SELENOI: variants seen among roughly 807,000 people sequenced by gnomAD.
The protein encoded by SELENOI is selenoprotein I, also known as ethanolaminephosphotransferase 1.
A neutral mutation model predicts 50.7 loss-of-function variants in SELENOI; 24 were observed. That is an observed-to-expected ratio of 0.47 (90% CI 0.34 to 0.67). SELENOI has a LOEUF of 0.67. SELENOI is among the 30% of genes least tolerant of loss of function. The pLI, the probability that SELENOI is intolerant of heterozygous loss-of-function variation, is 0.01. For missense variants in SELENOI, 352 were observed against 461.4 expected (o/e 0.76, Z 2.17); for synonymous variants, 155 against 170.2 (o/e 0.91, Z 0.70).
At chr2:26,371,726 C>T (rs570058698) in intron 4 of SELENOI, among the ~76,000 whole-genome samples, 80 of 152,324 alleles carry the variant, frequency 5.3e-4, no homozygotes, top group African/African-American at 1.8e-3. Context: ...TCAGGCGTGG[C>T]GGCGTGCGCC....
chr2:26,371,144 T>C (rs1328672241), intron 4 of SELENOI, among the ~76,000 whole-genome samples: 1 of 127,142 alleles, frequency 7.9e-6, no homozygotes, highest in African/African-American at 3.1e-5. Flanking sequence ...GCGGCTGGGC[T>C]GGCGGGGGGC....
At chr2:26,357,563 G>A (rs1446378028) in intron 1 of SELENOI, among the ~76,000 whole-genome samples, 4 of 152,218 alleles carry the variant, frequency 2.6e-5, no homozygotes, top group African/African-American at 4.8e-5. Context: ...AAAAGCTCTA[G>A]GCGAGAATCC....
intron 6 of SELENOI, 127 bp downstream of exon 6, chr2:26,375,275 A>G (rs1677543311): frequency 3.6e-6 from 2 of 561,446 alleles, no homozygotes; most frequent in Non-Finnish European, 6.3e-6. Context: ...CAACCCTACA[A>G]CCTTGTAGGA....
chr2:26,380,711 C>T (rs1372083465), intron 6 of SELENOI, among the ~76,000 whole-genome samples: 1 of 152,188 alleles, frequency 6.6e-6, no homozygotes, highest in Non-Finnish European at 1.5e-5. Flanking sequence ...TATTCCCCTA[C>T]ATATGGGTTG....
chr2:26,347,848 T>G (rs963381972), intron 1 of SELENOI, among the ~76,000 whole-genome samples: 1 of 152,220 alleles, frequency 6.6e-6, no homozygotes, highest in Non-Finnish European at 1.5e-5. Flanking sequence ...GTGTCTTAAT[T>G]TACTAGAAGT....
At chr2:26,368,081 T>C (rs1293898106) in intron 4 of SELENOI, among the ~76,000 whole-genome samples, 4 of 152,314 alleles carry the variant, frequency 2.6e-5, no homozygotes, top group Middle Eastern at 3.4e-3. Context: ...AGACCCTGAC[T>C]TCAAGTTGCT....
intron 6 of SELENOI, among the ~76,000 whole-genome samples, chr2:26,382,200 G>A (rs1572336575): frequency 1.3e-5 from 2 of 152,238 alleles, no homozygotes; most frequent in Non-Finnish European, 1.5e-5. Context: ...GTCATCTGTT[G>A]TAAGCTTGTA....
rs1037336526 is a variant in SELENOI, at chr2:26,389,330, A to T, written c.*227A>T. 9.6e-5 allele frequency: 41 copies of T among 426,024 alleles called. No individual in the cohort carries two copies. The highest frequency in any genetic ancestry group is 7.1e-4 in the African/African-American group (36 of 50,854). The allele number at this position is 426,024 out of a possible 1,614,324, so 26.4% of individuals were successfully genotyped here. On this transcript the variant is annotated 3_prime_UTR_variant, in exon 10 of 10. Coordinates refer to ENST00000260585, the MANE Select transcript of SELENOI (RefSeq NM_033505.4). ...GTGACATTTTGGTTGAGCAGAATGT[A>T]CGTTAGACCAGCAAAATGTTCCTAA...
Position 26,346,182 on chromosome 2 carries a change from G to A in SELENOI, c.-51G>A, listed in dbSNP as rs756834378. The A allele has an allele frequency of 6.2e-7, 1 of 1,612,764 alleles. No homozygotes were observed. The highest frequency in any genetic ancestry group is 1.1e-5 in the South Asian group (1 of 90,808). On this transcript the variant is annotated 5_prime_UTR_variant, in exon 1 of 10. Coordinates refer to ENST00000260585, the MANE Select transcript of SELENOI (RefSeq NM_033505.4). ...GCCGGTGTGGTGCTTGTGTGTCACA[G>A]CCTTGTAGCCGGGAGTCGCTGCCGA...
chr2:26,376,980 T>C (rs1270193186), intron 6 of SELENOI, among the ~76,000 whole-genome samples: 2 of 152,214 alleles, frequency 1.3e-5, no homozygotes, highest in Admixed American at 6.5e-5. Context: ...GTGATGTACC[T>C]AGGTGTGGTT....
At chr2:26,371,982 T>G (rs949426937) in intron 4 of SELENOI, among the ~76,000 whole-genome samples, 1 of 152,258 alleles carries the variant, frequency 6.6e-6, no homozygotes, top group Non-Finnish European at 1.5e-5. Context: ...TCATTCTTTA[T>G]GTCCTCTACT....
chr2:26,346,413 C>T, intron 1 of SELENOI, 124 bp downstream of exon 1: 2 of 1,213,364 alleles, frequency 1.6e-6, no homozygotes, highest in Non-Finnish European at 2.2e-6. Context: ...GCGGGCGTTC[C>T]TCCGGAGGTC....
chr2:26,373,969 C>T (rs1370098723), intron 5 of SELENOI, among the ~76,000 whole-genome samples: 1 of 152,078 alleles, frequency 6.6e-6, no homozygotes, highest in Non-Finnish European at 1.5e-5. Flanking sequence ...CTGGGCTGGT[C>T]TCTAACTCCT....
At chr2:26,346,336 C>G in intron 1 of SELENOI, 47 bp downstream of exon 1, 3 of 1,578,372 alleles carry the variant, frequency 1.9e-6, no homozygotes, top group Non-Finnish European at 2.6e-6. Flanking sequence ...CGGCCTCGCC[C>G]AGGCGGCTGA....
chr2:26,346,297 G>C lies in SELENOI; in HGVS notation c.57+8G>C, dbSNP rs1395103999. 4 of 1,607,126 alleles carry C rather than the reference G, an allele frequency of 2.5e-6. No homozygotes were observed. The highest frequency in any genetic ancestry group is 1.7e-4 in the Middle Eastern group (1 of 6,018). On this transcript the variant is annotated splice_region_variant and intron_variant, in intron 1 of 9. Transcript: ENST00000260585. ...GGCTTTGATAAGTACAAGGTACCGC[G>C]GGCCGGCGGATGCCCCTCTCCCTGC...
At chr2:26,352,920 A>C (rs1676991795) in intron 1 of SELENOI, among the ~76,000 whole-genome samples, 1 of 151,282 alleles carries the variant, frequency 6.6e-6, no homozygotes, top group South Asian at 2.1e-4. Context: ...CTGATGCTGA[A>C]TAGTGCTTGC....
At chr2:26,378,877 T>TAAAGACAGA (rs1558420291) in intron 6 of SELENOI, among the ~76,000 whole-genome samples, 2 of 152,264 alleles carry the variant, frequency 1.3e-5, no homozygotes, top group African/African-American at 4.8e-5. Flanking sequence ...TATTTCACTG[T>TAAAGACAGA]GTATCTCTAA....
In SELENOI at chr2:26,348,996, C is replaced by CTT. The variant is rs869073468; in HGVS notation, c.57+2741_57+2742dup. Among the ~76,000 whole-genome samples the CTT allele has an allele frequency of 2.1e-3, 122 of 57,692 alleles. 14 individuals are homozygous for CTT. Among genetic ancestry groups the CTT allele is most frequent in the East Asian group, 5.2e-3 (6 of 1,162 alleles). The allele number at this position is 57,692 out of a possible 152,430, so 37.8% of individuals were successfully genotyped here. A position where few individuals can be genotyped will look rare whatever the true frequency, so the allele number is the denominator to read the frequency against. ...CTACCCATCCTTTGTTTTGGACAGG[C>CTT]TTTTTTTTTTTTTTTTTTTTTTTTT... On this transcript the variant is annotated intron_variant, in intron 1 of 9. Coordinates refer to ENST00000260585, the MANE Select transcript of SELENOI (RefSeq NM_033505.4).
chr2:26,376,698 G>A (rs1305618468), intron 6 of SELENOI, among the ~76,000 whole-genome samples: 1 of 152,192 alleles, frequency 6.6e-6, no homozygotes, highest in African/African-American at 2.4e-5. Context: ...GACCTACCAT[G>A]TGGTGTTCTT....
Sources: gnomAD v4.1 joint callset for allele counts (sites outside exome capture counted in the v4.1 genomes callset) on GRCh38, gnomAD v4.1.1 for gene constraint, MANE v1.5 for transcripts, NCBI Gene and HGNC (gene_info 2026-07-23, HGNC 2026-07-21) for gene names.